The following TMEM127 variants were observed in gnomAD, a reference collection of about 807,000 sequenced individuals.
TMEM127 encodes transmembrane protein 127.
A neutral mutation model predicts 20.1 loss-of-function variants in TMEM127; 21 were observed. The observed-to-expected ratio is 1.04, with a 90% CI of 0.74 to 1.50. TMEM127 has a LOEUF of 1.50. Ranked by LOEUF, TMEM127 falls within the 40% of genes most tolerant of loss-of-function variation. The pLI is 0.00. For synonymous variants in TMEM127, 150 were observed against 144.7 expected (o/e 1.04, Z -0.26); for missense variants, 303 against 317.4 (o/e 0.95, Z 0.34).
rs1684069977 is a variant in TMEM127, at chr2:96,250,743, G to A, written c.*3065C>T. The A allele has an allele frequency of 4.3e-6, 1 of 232,806 alleles. No individual in the cohort carries two copies. Among genetic ancestry groups the A allele is most frequent in the Admixed American group, 5.6e-5 (1 of 17,754 alleles). 14.4% of individuals were successfully genotyped at this position (232,806 alleles called of 1,614,324 possible). A position where few individuals can be genotyped will look rare whatever the true frequency, so the allele number is the denominator to read the frequency against. On this transcript the variant is annotated 3_prime_UTR_variant, in exon 4 of 4. Transcript: ENST00000258439. ...GAACGGAGAGAACGTGGGCAATCAA[G>A]GCCTGGCACTGCCCTACAGGAGGCT...
At chr2:96,261,137 G>T (rs573298458) in intron 2 of TMEM127, among the ~76,000 whole-genome samples, 4 of 152,330 alleles carry the variant, frequency 2.6e-5, no homozygotes, top group African/African-American at 7.2e-5. Context: ...AGGCAGAAAG[G>T]CTCAGAAGAA....
In TMEM127 at chr2:96,250,975, A is replaced by G. The variant is rs1441055540; in HGVS notation, c.*2833T>C. On this transcript the variant is annotated 3_prime_UTR_variant, in exon 4 of 4. Coordinates refer to ENST00000258439, the MANE Select transcript of TMEM127 (RefSeq NM_017849.4). ...TAGTTTGTTCTGCAAGCCACAGCCC[A>G]AAGAAGTCTATTTCCTCCCACAGGA... 2.6e-5 allele frequency: 6 copies of G among 227,282 alleles called. No individual in the cohort carries two copies. The highest frequency in any genetic ancestry group is 1.3e-4 in the African/African-American group (6 of 44,998). The allele number at this position is 227,282 out of a possible 1,614,324, so 14.1% of individuals were successfully genotyped here.
chr2:96,254,703 C>T (rs1684164625), intron 3 of TMEM127, 130 bp downstream of exon 3: 1 of 1,227,592 alleles, frequency 8.1e-7, no homozygotes, highest in Non-Finnish European at 1.2e-6. Flanking sequence ...CTGGGAAAGA[C>T]TGGAGCTTGG....
In TMEM127 at chr2:96,258,160, G is replaced by A. The variant is rs567014336; in HGVS notation, c.245-3163C>T. ...GGCACTGGCTGAAAGCGTGTTCCCA[G>A]GTCCCCAGAGAGTCCGAGTTCTAGG... is the stretch of plus-strand genomic sequence containing the variant. On this transcript the variant is annotated intron_variant, in intron 2 of 3. Transcript: ENST00000258439. 2.0e-5 allele frequency among the ~76,000 whole-genome samples: 3 copies of A among 152,162 alleles called. No individual in the cohort carries two copies. In the South Asian group the frequency reaches 6.2e-4, roughly 31 times the overall value.
At chr2:96,257,629 T>G (rs1157978145) in intron 2 of TMEM127, among the ~76,000 whole-genome samples, 2 of 150,746 alleles carry the variant, frequency 1.3e-5, no homozygotes, top group African/African-American at 4.9e-5. Context: ...AAAGTAGAAA[T>G]GGGGTCGGGC....
chr2:96,253,096 G>A lies in TMEM127; in HGVS notation c.*712C>T. 1 of 233,464 alleles carries A rather than the reference G, an allele frequency of 4.3e-6. No homozygotes were observed. The allele number at this position is 233,464 out of a possible 1,614,324, so 14.5% of individuals were successfully genotyped here. A position where few individuals can be genotyped will look rare whatever the true frequency, so the allele number is the denominator to read the frequency against. On this transcript the variant is annotated 3_prime_UTR_variant, in exon 4 of 4. Transcript: ENST00000258439. The surrounding 1 kb of genome is among the most constrained non-coding windows in gnomAD (Gnocchi z 4.3). ...ATATTTAAAAGGTGAAGGGCTGGGA[G>A]ATGTAGTCCCCTTCACTCTGGTCCT...
intron 2 of TMEM127, among the ~76,000 whole-genome samples, chr2:96,258,877 G>A (rs752769605): frequency 2.6e-5 from 4 of 152,166 alleles, no homozygotes; most frequent in African/African-American, 4.8e-5. Flanking sequence ...GCAGTAGGCC[G>A]TGTCAGATTC....
intron 2 of TMEM127, among the ~76,000 whole-genome samples, chr2:96,258,059 C>A (rs1383988523): frequency 6.6e-6 from 1 of 152,220 alleles, no homozygotes; most frequent in Non-Finnish European, 1.5e-5. Flanking sequence ...ATATAGCGTC[C>A]TTTCCTGAAC....
At position 96,250,412 on chromosome 2, in the gene TMEM127, C is replaced by T. The variant is rs762419401; in HGVS notation, c.*3396G>A. 1.9e-4 allele frequency: 45 copies of T among 232,626 alleles called. No individual in the cohort carries two copies. Among genetic ancestry groups the T allele is most frequent in the Non-Finnish European group, 3.4e-4 (40 of 117,758 alleles). 14.4% of individuals were successfully genotyped at this position (232,626 alleles called of 1,614,324 possible). Reference sequence around the variant, plus strand: ...CTCCCTTCTGGGCACAGGACTTTTCCGAGCCGGCCGCCCACTTCACTCTGC... The same window carrying T: ...CTCCCTTCTGGGCACAGGACTTTTCTGAGCCGGCCGCCCACTTCACTCTGC... On this transcript the variant is annotated 3_prime_UTR_variant, in exon 4 of 4. Coordinates refer to ENST00000258439, the MANE Select transcript of TMEM127 (RefSeq NM_017849.4).
In TMEM127 at chr2:96,251,949, C is replaced by T; in HGVS notation, c.*1859G>A. The stretch of plus-strand genomic sequence containing the variant: ...GACACCCAAGGGCAGAGAGAGCTGG[C>T]CACAAGTAAACCTGCCAATGACAAA... On this transcript the variant is annotated 3_prime_UTR_variant, in exon 4 of 4. Coordinates refer to ENST00000258439, the MANE Select transcript of TMEM127 (RefSeq NM_017849.4). 1 of 233,298 alleles carries T rather than the reference C, an allele frequency of 4.3e-6. No homozygotes were observed. Among genetic ancestry groups the T allele is most frequent in the Non-Finnish European group, 8.5e-6 (1 of 117,788 alleles). The allele number at this position is 233,298 out of a possible 1,614,324, so 14.5% of individuals were successfully genotyped here. A position where few individuals can be genotyped will look rare whatever the true frequency, so the allele number is the denominator to read the frequency against.
chr2:96,254,159 TC>T (rs750328342), intron 3 of TMEM127, 44 bp from the exon 4 acceptor site: 1 of 1,607,148 alleles, frequency 6.2e-7, no homozygotes, highest in East Asian at 2.2e-5. Flanking sequence ...TAGTGAGCAC[TC>T]CACAGCTAGG....
chr2:96,257,593 T>C (rs1684234562), intron 2 of TMEM127, among the ~76,000 whole-genome samples: 1 of 152,028 alleles, frequency 6.6e-6, no homozygotes. Flanking sequence ...AACCAGGCCA[T>C]GATTAAGTAT....
intron 3 of TMEM127, 97 bp downstream of exon 3, chr2:96,254,736 C>T (rs1169811689): frequency 6.7e-7 from 1 of 1,490,702 alleles, no homozygotes; most frequent in African/African-American, 1.4e-5. Context: ...TGGAAGGGTG[C>T]CTGCTCAGAG....
In TMEM127 at chr2:96,265,529, C is replaced by CT. The variant is rs1684403405; in HGVS notation, c.-131-18_-131-17insA. On this transcript the variant is annotated splice_polypyrimidine_tract_variant and intron_variant, in intron 1 of 3. Transcript: ENST00000258439. ...GGGACTGGGCTGTCAGGGTTGACAC[C>CT]AGAGGATAGGGGGGTGGGACCCGGG... The CT allele has an allele frequency of 9.1e-7, 1 of 1,093,028 alleles. No homozygotes were observed. The highest frequency in any genetic ancestry group is 4.4e-5 in the Admixed American group (1 of 22,812). 67.7% of individuals were successfully genotyped at this position (1,093,028 alleles called of 1,614,324 possible).
rs1684121548 is a variant in TMEM127, at chr2:96,252,888, A to G, written c.*920T>C. 2 of 233,594 alleles carry G rather than the reference A, an allele frequency of 8.6e-6. No individual in the cohort carries two copies. The highest frequency in any genetic ancestry group is 1.7e-5 in the Non-Finnish European group (2 of 118,220). The allele number at this position is 233,594 out of a possible 1,614,324, so 14.5% of individuals were successfully genotyped here. ...GAAGGGGCCAGGGAAGGGAGGCTGC[A>G]TTCTACTGGGAGAGACTCGGGGAGG... On this transcript the variant is annotated 3_prime_UTR_variant, in exon 4 of 4. Coordinates refer to ENST00000258439, the MANE Select transcript of TMEM127 (RefSeq NM_017849.4). This position sits in a 1 kb window ranked among gnomAD's most constrained non-coding sequence, Gnocchi z 4.2.
intron 2 of TMEM127, 95 bp from the exon 3 acceptor site, chr2:96,255,092 C>G (rs1251621234): frequency 1.3e-6 from 2 of 1,542,802 alleles, no homozygotes; most frequent in Non-Finnish European, 1.8e-6. Flanking sequence ...CACCACAGTC[C>G]TGGGAGCCAG....
chr2:96,265,168 A>G lies in TMEM127; in HGVS notation c.214T>C (p.Leu72=), dbSNP rs1573977624. ...AGCAGGTCCGGGTGCACATAGCCCA[A>G]CACGTCGGAGACCCCCAGCTCCTGG... ...SRQELGVSDV[L]GYVHPDLLKD... is the part of the protein sequence containing the mutation. Residue 72 remains leucine, a synonymous_variant, in exon 2 of 4, where the codon TTG becomes CTG. Transcript: ENST00000258439. 5 of 1,611,428 alleles carry G rather than the reference A, an allele frequency of 3.1e-6. No individual in the cohort carries two copies. The African/African-American group carries it at 5.3e-5, about 17-fold the overall frequency.
intron 2 of TMEM127, among the ~76,000 whole-genome samples, chr2:96,262,986 A>G (rs1258603433): frequency 6.6e-6 from 1 of 151,182 alleles, no homozygotes; most frequent in Non-Finnish European, 1.5e-5. Flanking sequence ...GCCTGGCCCG[A>G]ATAATTTCTT....
chr2:96,265,331 G>A lies in TMEM127; in HGVS notation c.51C>T (p.Ser17=). Residue 17 remains serine (S), a synonymous_variant, in exon 2 of 4, where the codon AGC becomes AGT. Coordinates refer to ENST00000258439, the MANE Select transcript of TMEM127 (RefSeq NM_017849.4). ...AGLPGGRRRR[S]PGGSALPKQP... is the part of the protein sequence containing the mutation. ...GCTTGGGCAGAGCGCTGCCTCCCGG[G>A]CTCCTCCGCCGGCGCCCGCCGGGCA... is the stretch of plus-strand genomic sequence containing the variant. 3 of 1,519,980 alleles carry A rather than the reference G, an allele frequency of 2.0e-6. No homozygotes were observed. The highest frequency in any genetic ancestry group is 1.4e-5 in the African/African-American group (1 of 72,090). 94.2% of individuals were successfully genotyped at this position (1,519,980 alleles called of 1,614,324 possible).
Sources: allele counts gnomAD v4.1 joint callset (sites outside exome capture counted in the v4.1 genomes callset), GRCh38; gene constraint gnomAD v4.1.1; non-coding constraint Gnocchi (gnomAD v3.1); transcripts MANE v1.5; gene names NCBI Gene and HGNC (gene_info 2026-07-23, HGNC 2026-07-21).